The following RNF122 variants were observed in gnomAD, a reference collection of about 807,000 sequenced individuals.
RNF122 encodes the protein ring finger protein 122.
A neutral mutation model predicts 24.2 loss-of-function variants in RNF122; 17 were observed. That is an observed-to-expected ratio of 0.70 (90% CI 0.48 to 1.06). The LOEUF (loss-of-function observed/expected upper bound fraction) is 1.06, where lower values mean the gene tolerates loss of function less well. Ranked by LOEUF, RNF122 falls within the 50% of genes least tolerant of loss-of-function variation. The probability of loss-of-function intolerance (pLI) is 0.00; values close to 1 mark genes in which losing one functional copy is unlikely to be tolerated. For synonymous variants in RNF122, 65 were observed against 71.8 expected, an observed-to-expected ratio of 0.91 and a Z score of 0.48; for missense variants, 168 against 198.1, an observed-to-expected ratio of 0.85 and a Z score of 0.91.
Position 33,549,509 on chromosome 8 carries a change from G to A in RNF122, c.271-17C>T, listed in dbSNP as rs753603562. 10 of 1,600,762 alleles carry A rather than the reference G, an allele frequency of 6.2e-6. No homozygotes were observed. The East Asian group carries it at 1.8e-4, about 29-fold the overall frequency. On this transcript the variant is annotated splice_polypyrimidine_tract_variant and intron_variant, in intron 4 of 5. Coordinates refer to ENST00000256257, the MANE Select transcript of RNF122 (RefSeq NM_024787.3). ...GCAGGTCTGCTGCAGAGAGAAAAGA[G>A]CAGGTGTGTGAGGAACTGGGGAACC...
intron 2 of RNF122, among the ~76,000 whole-genome samples, chr8:33,554,206 G>T (rs991925475): frequency 3.3e-5 from 5 of 152,188 alleles, no homozygotes; most frequent in African/African-American, 1.2e-4. Context: ...CCTTGAGGGA[G>T]AAAGACACTG....
chr8:33,547,891 G>A lies in RNF122; in HGVS notation c.*862C>T, dbSNP rs377093527. On this transcript the variant is annotated 3_prime_UTR_variant, in exon 6 of 6. Coordinates refer to ENST00000256257, the MANE Select transcript of RNF122 (RefSeq NM_024787.3). ...ATTTCGTATCTAAAGCCTGAGAGGC[G>A]AGGATGAAGTATAAAAATACTATTT... 18 of 145,772 alleles carry A rather than the reference G, an allele frequency of 1.2e-4. No homozygotes were observed. In the South Asian group the frequency reaches 3.7e-3, roughly 30 times the overall value. The allele number at this position is 145,772 out of a possible 1,614,324, so 9.0% of individuals were successfully genotyped here. A position where few individuals can be genotyped will look rare whatever the true frequency, so the allele number is the denominator to read the frequency against.
In RNF122 at chr8:33,551,376, G is replaced by T; in HGVS notation, c.196C>A (p.Gln66Lys). Reference protein sequence around the residue: ...CCYFISKLRNQAQSERYGYKE... With the variant: ...CCYFISKLRNKAQSERYGYKE... Reference sequence around the variant, plus strand: ...TATCCGTATCGCTCACTCTGTGCCTGGTTCCGCAGTTTGCTGGGAGAAAGA... The same window carrying T: ...TATCCGTATCGCTCACTCTGTGCCTTGTTCCGCAGTTTGCTGGGAGAAAGA... The change falls in exon 3 of 6, where the codon CAG becomes AAG. Residue 66 changes from glutamine to lysine, a missense_variant. By Grantham distance (53) the Gln-to-Lys change is moderately conservative (BLOSUM62 1). Coordinates refer to ENST00000256257, the MANE Select transcript of RNF122 (RefSeq NM_024787.3). 1 of 1,614,134 alleles carries T rather than the reference G, an allele frequency of 6.2e-7. No individual in the cohort carries two copies. Among genetic ancestry groups the T allele is most frequent in the Non-Finnish European group, 8.5e-7 (1 of 1,179,994 alleles).
intron 2 of RNF122, among the ~76,000 whole-genome samples, chr8:33,553,919 G>GTCCCC (rs1190178834): frequency 6.6e-6 from 1 of 152,170 alleles, no homozygotes; most frequent in East Asian, 1.9e-4. Flanking sequence ...CCCATCCACC[G>GTCCCC]TCCCCTCCCC....
At chr8:33,554,997 A>G (rs944831992) in intron 2 of RNF122, among the ~76,000 whole-genome samples, 2 of 152,008 alleles carry the variant, frequency 1.3e-5, no homozygotes, top group South Asian at 2.1e-4. Flanking sequence ...CTTTCTATAT[A>G]TAGACATTCA....
chr8:33,554,397 G>A (rs996322397), intron 2 of RNF122, among the ~76,000 whole-genome samples: 1 of 152,150 alleles, frequency 6.6e-6, no homozygotes, highest in Non-Finnish European at 1.5e-5. Context: ...CAGGCACCTA[G>A]AGTACCACTT....
At chr8:33,562,219 T>C (rs1253092125) in intron 1 of RNF122, among the ~76,000 whole-genome samples, 1 of 152,056 alleles carries the variant, frequency 6.6e-6, no homozygotes, top group Non-Finnish European at 1.5e-5. Flanking sequence ...CATTAAGCAT[T>C]GATTATATGG....
chr8:33,551,710 C>T (rs1810378418), intron 2 of RNF122, among the ~76,000 whole-genome samples: 1 of 152,168 alleles, frequency 6.6e-6, no homozygotes, highest in Admixed American at 6.6e-5. Flanking sequence ...CACCAAACTA[C>T]ATAGAAATCA....
At chr8:33,560,280 C>T (rs532075640) in intron 1 of RNF122, among the ~76,000 whole-genome samples, 13 of 152,278 alleles carry the variant, frequency 8.5e-5, no homozygotes, top group Non-Finnish European at 1.9e-4. Flanking sequence ...TGATAGTCAC[C>T]TCTCCCTTCC....
At chr8:33,551,528 G>A (rs757694014) in intron 2 of RNF122, 139 bp from the exon 3 acceptor site, 12 of 819,724 alleles carry the variant, frequency 1.5e-5, no homozygotes, top group Non-Finnish European at 2.3e-5. Flanking sequence ...GCATACTTTG[G>A]ACCTATGCAA....
chr8:33,552,545 T>C (rs758187864), intron 2 of RNF122, among the ~76,000 whole-genome samples: 61 of 152,224 alleles, frequency 4.0e-4, no homozygotes, highest in Admixed American at 1.9e-3. Flanking sequence ...CTTTACCATA[T>C]AATGTGGTCT....
intron 2 of RNF122, among the ~76,000 whole-genome samples, chr8:33,556,175 G>A (rs183682277): frequency 1.4e-3 from 125 of 91,642 alleles, no homozygotes; most frequent in African/African-American, 8.0e-3. Flanking sequence ...GCAAGACCCT[G>A]TCTCAAAAAA....
At chr8:33,562,798 C>T (rs1810558321) in intron 1 of RNF122, among the ~76,000 whole-genome samples, 1 of 152,114 alleles carries the variant, frequency 6.6e-6, no homozygotes, top group South Asian at 2.1e-4. Flanking sequence ...TGTCTGGCAC[C>T]CGTAATCCCA....
At position 33,548,000 on chromosome 8, in the gene RNF122, AAAAAAAG is replaced by A. The variant is rs1439301784; in HGVS notation, c.*746_*752del. 4 of 149,770 alleles carry A rather than the reference AAAAAAAG, an allele frequency of 2.7e-5. No homozygotes were observed. The highest frequency in any genetic ancestry group is 7.3e-5 in the African/African-American group (3 of 40,946). 9.3% of individuals were successfully genotyped at this position (149,770 alleles called of 1,614,324 possible). On this transcript the variant is annotated 3_prime_UTR_variant, in exon 6 of 6. Coordinates refer to ENST00000256257, the MANE Select transcript of RNF122 (RefSeq NM_024787.3). ...TTGATCAAAAAAAAAAAAAAAAAAA[AAAAAAAG>A]GCCCCTGGGAATCAATTTAAGTATA...
At chr8:33,555,494 C>T (rs1019620848) in intron 2 of RNF122, among the ~76,000 whole-genome samples, 9 of 152,316 alleles carry the variant, frequency 5.9e-5, no homozygotes, top group South Asian at 2.1e-4. Context: ...TGAGCCACCA[C>T]GCCCAGCCCT....
chr8:33,564,722 A>C (rs1810595376), intron 1 of RNF122, among the ~76,000 whole-genome samples: 2 of 151,956 alleles, frequency 1.3e-5, no homozygotes, highest in South Asian at 4.2e-4. Context: ...AAAATACAAA[A>C]TTAGCCGGCC....
At chr8:33,549,300 G>A in intron 5 of RNF122, 110 bp downstream of exon 5, 1 of 840,084 alleles carries the variant, frequency 1.2e-6, no homozygotes, top group East Asian at 2.4e-5. Flanking sequence ...GTAGGACCTG[G>A]GGCATCACGG....
At position 33,553,989 on chromosome 8, in the gene RNF122, C is replaced by CA. The variant is rs549814009; in HGVS notation, c.183-2601dup. On this transcript the variant is annotated intron_variant, in intron 2 of 5. Coordinates refer to ENST00000256257, the MANE Select transcript of RNF122 (RefSeq NM_024787.3). ...GGCAGGGCTGGGCTAAAGGCCTAAC[C>CA]AAGGCTCCCACTGTCTCATCCTTCA... is the stretch of plus-strand genomic sequence containing the variant. Among the ~76,000 whole-genome samples, 7 of 152,364 alleles carry CA rather than the reference C, an allele frequency of 4.6e-5. No individual in the cohort carries two copies. In the South Asian group the frequency reaches 1.4e-3, roughly 32 times the overall value.
intron 2 of RNF122, among the ~76,000 whole-genome samples, chr8:33,552,899 A>AT (rs1158180700): frequency 6.6e-6 from 1 of 151,954 alleles, no homozygotes; most frequent in Non-Finnish European, 1.5e-5. Flanking sequence ...TCTCTACAAA[A>AT]TGTACAAAAA....
Sources: gnomAD v4.1 joint callset for allele counts (sites outside exome capture counted in the v4.1 genomes callset) on GRCh38, gnomAD v4.1.1 for gene constraint, MANE v1.5 for transcripts, NCBI Gene and HGNC (gene_info 2026-07-23, HGNC 2026-07-21) for gene names.